SCRN1: variants seen among roughly 807,000 people sequenced by gnomAD.
The protein encoded by SCRN1 is secernin-1.
In SCRN1, 19 loss-of-function variants were observed where a neutral mutation model predicts 43.3. The observed-to-expected ratio is 0.44, with a 90% CI of 0.31 to 0.64. The LOEUF is 0.64. Ranked by LOEUF, SCRN1 falls within the 30% of genes least tolerant of loss-of-function variation. The pLI is 0.09. For synonymous variants in SCRN1, 183 were observed against 188.9 expected, an observed-to-expected ratio of 0.97 and a Z score of 0.26; for missense variants, 447 against 524.1, an observed-to-expected ratio of 0.85 and a Z score of 1.44.
At chr7:29,942,296 G>A (rs1284109911) in intron 4 of SCRN1, among the ~76,000 whole-genome samples, 1 of 152,168 alleles carries the variant, frequency 6.6e-6, no homozygotes, top group Non-Finnish European at 1.5e-5. Context: ...AAATCTTACT[G>A]CAATCCATCA....
intron 4 of SCRN1, among the ~76,000 whole-genome samples, chr7:29,941,543 T>C (rs573292965): frequency 6.6e-6 from 1 of 152,370 alleles, no homozygotes; most frequent in South Asian, 2.1e-4. Flanking sequence ...TATGTGTGTG[T>C]GCACACATGC....
intron 1 of SCRN1, among the ~76,000 whole-genome samples, chr7:29,982,740 T>C (rs1163239107): frequency 6.6e-6 from 1 of 150,982 alleles, no homozygotes; most frequent in African/African-American, 2.4e-5. Context: ...TGCCCAGGGT[T>C]GTATAATTAA....
chr7:29,936,168 T>A (rs1188650772), intron 6 of SCRN1, among the ~76,000 whole-genome samples: 2 of 152,214 alleles, frequency 1.3e-5, no homozygotes, highest in Non-Finnish European at 2.9e-5. Context: ...TCATGAGCAT[T>A]CCCACATCTC....
At chr7:29,985,083 T>C (rs1789109368) in intron 1 of SCRN1, among the ~76,000 whole-genome samples, 2 of 143,388 alleles carry the variant, frequency 1.4e-5, no homozygotes, top group Admixed American at 7.0e-5. Context: ...GTGAAGTTGG[T>C]AGACAGCTCT....
At chr7:29,960,959 A>G (rs1179623198) in intron 2 of SCRN1, among the ~76,000 whole-genome samples, 1 of 152,160 alleles carries the variant, frequency 6.6e-6, no homozygotes, top group Admixed American at 6.5e-5. Context: ...AATACTAAAG[A>G]ATATAAAATT....
At chr7:29,985,828 C>T (rs1789131975) in intron 1 of SCRN1, among the ~76,000 whole-genome samples, 1 of 152,192 alleles carries the variant, frequency 6.6e-6, no homozygotes, top group Non-Finnish European at 1.5e-5. Context: ...GTCCCTTTTC[C>T]GTCCATCCTG....
rs756846278 is a variant in SCRN1, at chr7:29,955,204, C to T, written c.316G>A (p.Ala106Thr). The T allele has an allele frequency of 2.5e-6, 4 of 1,614,192 alleles. No individual in the cohort carries two copies. The East Asian group carries it at 8.9e-5, about 36-fold the overall frequency. Residue 106 changes from alanine (A) to threonine (T), a missense_variant, in exon 3 of 8, where the codon GCC becomes ACC. By Grantham distance (58) the Ala-to-Thr change is moderately conservative. Coordinates refer to ENST00000242059, the MANE Select transcript of SCRN1 (RefSeq NM_014766.5). ...CTGACCAGATCCATCCCCAGCAAGG[C>T]TTCTATCTCGGCAGCTGGCTCTCTG... is the stretch of plus-strand genomic sequence containing the variant. ...NTREPAAEIEALLGMDLVRLG... is the reference protein window; with the variant it reads ...NTREPAAEIETLLGMDLVRLG...
At position 29,950,328 on chromosome 7, in the gene SCRN1, G is replaced by A. The variant is rs1787878880; in HGVS notation, c.341+4851C>T. Among the ~76,000 whole-genome samples the A allele has an allele frequency of 6.6e-6, 1 of 152,204 alleles. No homozygotes were observed. Among genetic ancestry groups the A allele is most frequent in the Non-Finnish European group, 1.5e-5 (1 of 68,036 alleles). On this transcript the variant is annotated intron_variant, in intron 3 of 7. Transcript: ENST00000242059. This position sits in a 1 kb window ranked among gnomAD's most constrained non-coding sequence, Gnocchi z 4.5. ...CCCCCTGCCGCCTCGGGCTTCTCCA[G>A]ACTTTGGGCATCAATGAGCACAGGA...
intron 2 of SCRN1, among the ~76,000 whole-genome samples, chr7:29,961,716 A>T (rs529877486): frequency 1.3e-3 from 201 of 151,238 alleles, no homozygotes; most frequent in Non-Finnish European, 2.4e-3. Flanking sequence ...ACTTCCCAGT[A>T]GGGGCCGCCG....
At chr7:29,931,953 A>T (rs1208776063) in intron 6 of SCRN1, among the ~76,000 whole-genome samples, 1 of 152,236 alleles carries the variant, frequency 6.6e-6, no homozygotes, top group African/African-American at 2.4e-5. Context: ...TCCCATAAAC[A>T]TATACACCTT....
chr7:29,935,530 C>A (rs1787295528), intron 6 of SCRN1, among the ~76,000 whole-genome samples: 1 of 152,224 alleles, frequency 6.6e-6, no homozygotes, highest in Admixed American at 6.5e-5. Context: ...AATGGGCAGG[C>A]TTCTAGAGCC....
At chr7:29,963,153 G>C (rs911338253) in intron 2 of SCRN1, among the ~76,000 whole-genome samples, 1 of 152,176 alleles carries the variant, frequency 6.6e-6, no homozygotes, top group Non-Finnish European at 1.5e-5. Flanking sequence ...GCAGGCAGAG[G>C]GGGTATTATG....
At chr7:29,990,262 C>T, upstream of SCRN1, 2 of 1,551,494 alleles carry the variant, frequency 1.3e-6, no homozygotes, top group Non-Finnish European at 1.7e-6. Context: ...AGACCCTGTC[C>T]CAGGTACTTG....
intron 4 of SCRN1, among the ~76,000 whole-genome samples, chr7:29,942,199 ACT>A (rs778615365): frequency 9.8e-4 from 149 of 152,274 alleles, no homozygotes; most frequent in Middle Eastern, 6.8e-3. Context: ...CTTGTAAGCA[ACT>A]CTACAGATAT....
intron 2 of SCRN1, among the ~76,000 whole-genome samples, chr7:29,959,366 CATTA>C (rs527588753): frequency 3.2e-4 from 49 of 152,210 alleles, no homozygotes; most frequent in African/African-American, 1.2e-3. Context: ...TCTAAAGAAG[CATTA>C]ATAACTATCA....
Position 29,924,119 on chromosome 7 carries a change from AG to A in SCRN1, c.1087-5del. The A allele has an allele frequency of 6.2e-7, 1 of 1,609,630 alleles. No individual in the cohort carries two copies. ...TCCTCAGCTTGCGACCTTGCTCCTG[AG>A]GAAGGACACGACTGCTTTAGGTGTC... On this transcript the variant is annotated splice_region_variant and splice_polypyrimidine_tract_variant and intron_variant, in intron 7 of 7. Transcript: ENST00000242059.
At chr7:29,964,871 G>A (rs962756807) in intron 2 of SCRN1, among the ~76,000 whole-genome samples, 9 of 152,240 alleles carry the variant, frequency 5.9e-5, no homozygotes, top group Middle Eastern at 6.8e-3. Context: ...GAACCCGAGA[G>A]CTGGAGGTTG....
intron 2 of SCRN1, among the ~76,000 whole-genome samples, chr7:29,966,868 T>TA (rs1788514451): frequency 6.6e-6 from 1 of 152,100 alleles, no homozygotes; most frequent in South Asian, 2.1e-4. Flanking sequence ...CAGCCCCTCA[T>TA]AGAGTTCTGT....
At chr7:29,951,817 C>T (rs527882979) in intron 3 of SCRN1, among the ~76,000 whole-genome samples, 8 of 152,322 alleles carry the variant, frequency 5.3e-5, no homozygotes, top group African/African-American at 1.9e-4. Context: ...AAAATCAGTG[C>T]CTATTACATT....
Sources: gnomAD v4.1 joint callset for allele counts (sites outside exome capture counted in the v4.1 genomes callset) on GRCh38, gnomAD v4.1.1 for gene constraint, Gnocchi (gnomAD v3.1) non-coding constraint, MANE v1.5 for transcripts, NCBI Gene and HGNC (gene_info 2026-07-23, HGNC 2026-07-21) for gene names.